PLEKHA6: variants seen among roughly 807,000 people sequenced by gnomAD.
PLEKHA6 encodes the protein pleckstrin homology domain-containing family A member 6.
PLEKHA6 carries 60 observed loss-of-function variants against 116.7 expected under a neutral mutation model. The observed-to-expected ratio is 0.51, with a 90% confidence interval of 0.42 to 0.64. The LOEUF (loss-of-function observed/expected upper bound fraction) is 0.64. PLEKHA6 is among the 30% of genes least tolerant of loss of function. The pLI is 0.00. For missense variants in PLEKHA6, 1,338 were observed against 1,422.7 expected (o/e 0.94, Z 0.96); for synonymous variants, 489 against 556.1 (o/e 0.88, Z 1.70).
At chr1:204,293,571 T>A (rs965910365) in intron 1 of PLEKHA6, among the ~76,000 whole-genome samples, 1 of 152,366 alleles carries the variant, frequency 6.6e-6, no homozygotes, top group South Asian at 2.1e-4. Context: ...GCCTCCAATT[T>A]GGCTTAAAGT....
At chr1:204,309,389 G>A (rs1284035268) in intron 1 of PLEKHA6, among the ~76,000 whole-genome samples, 1 of 152,190 alleles carries the variant, frequency 6.6e-6, no homozygotes, top group Non-Finnish European at 1.5e-5. Flanking sequence ...TCTGGTCAAC[G>A]ATGGACCACA....
intron 15 of PLEKHA6, among the ~76,000 whole-genome samples, chr1:204,242,231 A>C (rs1662932590): frequency 6.6e-6 from 1 of 152,204 alleles, no homozygotes; most frequent in African/African-American, 2.4e-5. Flanking sequence ...GGAAATGAAA[A>C]GGGCACTTAG....
At chr1:204,273,771 T>G in intron 2 of PLEKHA6, 31 bp from the exon 3 acceptor site, 2 of 1,468,196 alleles carry the variant, frequency 1.4e-6, no homozygotes, top group Non-Finnish European at 1.9e-6. Flanking sequence ...GAAAAGAGAT[T>G]GGTGAGATCC....
chr1:204,248,998 G>A, intron 11 of PLEKHA6, 28 bp from the exon 12 acceptor site: 4 of 1,611,400 alleles, frequency 2.5e-6, no homozygotes, highest in Non-Finnish European at 3.4e-6. Context: ...AATGACATGA[G>A]CAGCCCTGAC....
At chr1:204,270,142 T>C (rs967395099) in intron 3 of PLEKHA6, among the ~76,000 whole-genome samples, 2 of 152,210 alleles carry the variant, frequency 1.3e-5, no homozygotes, top group African/African-American at 4.8e-5. Flanking sequence ...TTCCTGAAAC[T>C]CTTCTTTGGA....
At chr1:204,316,944 T>A (rs1439859976) in intron 1 of PLEKHA6, among the ~76,000 whole-genome samples, 2 of 152,096 alleles carry the variant, frequency 1.3e-5, no homozygotes, top group Admixed American at 1.3e-4. Context: ...TCGTATCCAC[T>A]CCTTAAACAC....
intron 1 of PLEKHA6, among the ~76,000 whole-genome samples, chr1:204,310,685 G>A (rs1203184611): frequency 6.6e-6 from 1 of 152,174 alleles, no homozygotes; most frequent in Non-Finnish European, 1.5e-5. Flanking sequence ...TGCCTTATAC[G>A]TAGTAGAGAT....
intron 6 of PLEKHA6, among the ~76,000 whole-genome samples, chr1:204,263,155 G>A (rs1369274956): frequency 6.6e-6 from 1 of 152,222 alleles, no homozygotes; most frequent in African/African-American, 2.4e-5. Flanking sequence ...AACAAGGAGA[G>A]AGCAGAGGCA....
chr1:204,261,895 A>G lies in PLEKHA6; in HGVS notation c.382-447T>C. ...CTAGCACTGTCTCTTCCACGTGGAG[A>G]GACAGCCAAGCCCCTCTCTGCAGGC... On this transcript the variant is annotated intron_variant, in intron 6 of 22. Transcript: ENST00000272203. This position sits in a 1 kb window ranked among gnomAD's most constrained non-coding sequence, Gnocchi z 4.0. 1 of 219,582 alleles carries G rather than the reference A, an allele frequency of 4.6e-6. No individual in the cohort carries two copies. Among genetic ancestry groups the G allele is most frequent in the African/African-American group, 2.3e-5 (1 of 44,094 alleles). 13.6% of individuals were successfully genotyped at this position (219,582 alleles called of 1,614,324 possible). A position where few individuals can be genotyped will look rare whatever the true frequency, so the allele number is the denominator to read the frequency against.
At chr1:204,365,902 G>T (rs1673637775) in intron 3 of PLEKHA6, among the ~76,000 whole-genome samples, 1 of 152,304 alleles carries the variant, frequency 6.6e-6, no homozygotes, top group African/African-American at 2.4e-5. Flanking sequence ...TTCAGGCAGA[G>T]CAGTCAGGCA....
At chr1:204,247,556 CAAAG>C (rs747610975) in intron 12 of PLEKHA6, 96 bp from the exon 13 acceptor site, 24 of 775,186 alleles carry the variant, frequency 3.1e-5, no homozygotes, top group Non-Finnish European at 5.0e-5. Flanking sequence ...ACCAGAGGCA[CAAAG>C]ATCTGGGGAA....
At chr1:204,241,663 G>A (rs4951325) in intron 16 of PLEKHA6, 22 bp downstream of exon 16, 564,583 of 1,556,940 alleles carry the variant, frequency 0.36, 104,599 homozygotes, top group East Asian at 0.52. Context: ...TTACTTCTAG[G>A]GGAAGATGGG....
intron 15 of PLEKHA6, 141 bp from the exon 16 acceptor site, chr1:204,241,955 C>A: frequency 1.1e-6 from 1 of 904,458 alleles, no homozygotes; most frequent in South Asian, 1.4e-5. Context: ...TGTGTGCCGC[C>A]TGGGAGGCGG....
intron 9 of PLEKHA6, among the ~76,000 whole-genome samples, chr1:204,255,126 C>T (rs1244865511): frequency 6.6e-6 from 1 of 152,170 alleles, no homozygotes; most frequent in Non-Finnish European, 1.5e-5. Context: ...CTAATGAATA[C>T]ACTGAGTGAA....
Position 204,249,274 on chromosome 1 carries a change from C to T in PLEKHA6, c.1594-10G>A, listed in dbSNP as rs1558060538. ...ATTTTCCCAGCAGCTTCTAGGGACC[C>T]AGAGAGTGGAGAAGGAGAGGGAGAA... On this transcript the variant is annotated splice_polypyrimidine_tract_variant and intron_variant, in intron 10 of 22. Coordinates refer to ENST00000272203, the MANE Select transcript of PLEKHA6 (RefSeq NM_014935.5). 6.3e-7 allele frequency: 1 copy of T among 1,594,204 alleles called. No homozygotes were observed. The highest frequency in any genetic ancestry group is 1.7e-5 in the Admixed American group (1 of 60,004).
rs1387948892 is a variant in PLEKHA6 at position 204,228,330 on chromosome 1, G to A, written c.2886-102C>T. ...GGTTGGCAGGGAGGGCCAGGGCCCCGTGAATGTGCAGTCTCTGGTTCCCAG... is the reference window on the plus strand; with the variant it reads ...GGTTGGCAGGGAGGGCCAGGGCCCCATGAATGTGCAGTCTCTGGTTCCCAG... On this transcript the variant is annotated intron_variant, in intron 20 of 22. Transcript: ENST00000272203. This position sits in a 1 kb window ranked among gnomAD's most constrained non-coding sequence, Gnocchi z 4.0. The A allele has an allele frequency of 1.7e-5, 20 of 1,170,224 alleles. No individual in the cohort carries two copies. The highest frequency in any genetic ancestry group is 1.7e-4 in the East Asian group (7 of 41,852). The allele number at this position is 1,170,224 out of a possible 1,614,324, so 72.5% of individuals were successfully genotyped here.
In PLEKHA6 at chr1:204,228,892, C is replaced by G. The variant is rs766894501; in HGVS notation, c.2752-31G>C. The G allele has an allele frequency of 6.2e-7, 1 of 1,614,062 alleles. No individual in the cohort carries two copies. Among genetic ancestry groups the G allele is most frequent in the South Asian group, 1.1e-5 (1 of 91,080 alleles). On this transcript the variant is annotated intron_variant, in intron 19 of 22. Transcript: ENST00000272203. This position sits in a 1 kb window ranked among gnomAD's most constrained non-coding sequence, Gnocchi z 4.0. ...GAGGGGCTGGGGTCACCACCTCTGT[C>G]CCTTCCCAGAGTCTCCCACTACAGC...
chr1:204,249,347 C>T (rs1664230416), intron 10 of PLEKHA6, 83 bp from the exon 11 acceptor site: 2 of 1,029,654 alleles, frequency 1.9e-6, no homozygotes, highest in Non-Finnish European at 1.5e-6. Flanking sequence ...GAGTTATAGG[C>T]CTGGCCTCTG....
intron 1 of PLEKHA6, among the ~76,000 whole-genome samples, chr1:204,339,623 C>T (rs1220650830): frequency 6.6e-6 from 1 of 152,164 alleles, no homozygotes; most frequent in African/African-American, 2.4e-5. Context: ...CAATGAACCC[C>T]CAGGGAAATA....
Sources: gnomAD v4.1 joint callset for allele counts (sites outside exome capture counted in the v4.1 genomes callset) on GRCh38, gnomAD v4.1.1 for gene constraint, Gnocchi (gnomAD v3.1) non-coding constraint, MANE v1.5 for transcripts, NCBI Gene and HGNC (gene_info 2026-07-23, HGNC 2026-07-21) for gene names.